Variants in SF1 observed in about 807,000 individuals in gnomAD.
SF1 encodes the protein splicing factor 1, also known as branch point-binding protein.
Under a neutral mutation model 62.5 loss-of-function variants are expected in SF1, and 7 were observed. The observed-to-expected ratio is 0.11, with a 90% CI of 0.06 to 0.21. The LOEUF is 0.21. Among genes scored for constraint, SF1 ranks in the 10% least tolerant of loss-of-function variants. SF1 has a pLI of 1.00. For synonymous variants in SF1, 394 were observed against 323.6 expected (o/e 1.22, Z -2.33); for missense variants, 578 against 884.0 (o/e 0.65, Z 4.39).
rs2058773503 is a variant in SF1, at chr11:64,767,600, G to GGGT, written c.1310_1312dup (p.His437dup). On this transcript the variant is annotated inframe_insertion, in exon 10 of 13. Transcript: ENST00000377390. ...TGGAGGAGGGCCATGGTGCCCAGGA[G>GGGT]GGTGGGGGCCCTGGTTCATCGGTGG... 5.1e-6 allele frequency: 8 copies of GGGT among 1,578,650 alleles called. No individual in the cohort carries two copies. Among genetic ancestry groups the GGGT allele is most frequent in the Non-Finnish European group, 6.9e-6 (8 of 1,164,606 alleles).
At chr11:64,766,236 G>T in intron 12 of SF1, 81 bp from the exon 13 acceptor site, 3 of 952,962 alleles carry the variant, frequency 3.1e-6, no homozygotes, top group Admixed American at 2.2e-5. Context: ...GGATGGGGGC[G>T]AGGGGCGCCT....
intron 12 of SF1, 146 bp downstream of exon 12, chr11:64,766,754 G>C (rs2058702180): frequency 3.6e-6 from 2 of 562,382 alleles, no homozygotes; most frequent in Non-Finnish European, 5.9e-6. Flanking sequence ...TCCACCCCCT[G>C]GACCAGGAGG....
Position 64,778,504 on chromosome 11 carries a change from GT to G in SF1, c.-113del. ...TGCGCTGCCGGAGCGCGCGGAGCCC[GT>G]CCTCTCACGCGGCGGGCGGCGGCGG... On this transcript the variant is annotated 5_prime_UTR_variant, in exon 1 of 13. Coordinates refer to ENST00000377390, the MANE Select transcript of SF1 (RefSeq NM_004630.4). 1 of 1,188,762 alleles carries G rather than the reference GT, an allele frequency of 8.4e-7. No individual in the cohort carries two copies. The highest frequency in any genetic ancestry group is 1.0e-6 in the Non-Finnish European group (1 of 959,834). The allele number at this position is 1,188,762 out of a possible 1,614,324, so 73.6% of individuals were successfully genotyped here.
intron 3 of SF1, chr11:64,772,992 A>C (rs1223535133): frequency 1.0e-6 from 1 of 996,574 alleles, no homozygotes; most frequent in Non-Finnish European, 1.2e-6. Flanking sequence ...TGCAGCAATG[A>C]GCTGACCAGA....
At chr11:64,767,157 TAGGTGAAGACCCAC>T in intron 11 of SF1, 21 bp downstream of exon 11, 1 of 1,613,682 alleles carries the variant, frequency 6.2e-7, no homozygotes, top group Non-Finnish European at 8.5e-7. Context: ...CACCCAAGCC[TAGGTGAAGACCCAC>T]AGCCAGCAGA....
chr11:64,766,449 G>A, intron 12 of SF1: 3 of 492,754 alleles, frequency 6.1e-6, no homozygotes, highest in South Asian at 2.6e-5. Flanking sequence ...CCTCCGCCCA[G>A]CCGCCGCCAC....
chr11:64,765,640 C>T lies in SF1; in HGVS notation c.*178G>A, dbSNP rs369296702. On this transcript the variant is annotated 3_prime_UTR_variant, in exon 13 of 13. Transcript: ENST00000377390. ...AGCTGGCGCCCCTACTACCACCTGC[C>T]CGTTCCCAAGCGAATCCTCAGTCGC... 1.3e-6 allele frequency: 2 copies of T among 1,493,000 alleles called. No individual in the cohort carries two copies. Among genetic ancestry groups the T allele is most frequent in the East Asian group, 2.3e-5 (1 of 42,856 alleles). 92.5% of individuals were successfully genotyped at this position (1,493,000 alleles called of 1,614,324 possible).
intron 3 of SF1, 196 bp from the exon 4 acceptor site, chr11:64,770,604 G>A (rs1183776742): frequency 7.5e-6 from 4 of 534,520 alleles, no homozygotes; most frequent in Non-Finnish European, 1.3e-5. Context: ...AGGGGTCTGG[G>A]GTGTGTGTGA....
chr11:64,767,462 C>G, intron 10 of SF1, 109 bp downstream of exon 10: 3 of 1,227,314 alleles, frequency 2.4e-6, no homozygotes, highest in Non-Finnish European at 3.4e-6. Flanking sequence ...GCCAGGCAGA[C>G]CCAGCACATT....
At position 64,776,534 on chromosome 11, in the gene SF1, G is replaced by A. The variant is rs1363892337; in HGVS notation, c.124C>T (p.Pro42Ser). Reference sequence around the variant, plus strand: ...CTTTCTTGTTCTCGAGTAAGTCCAGGGGGAATAACTGTAGGCATTCCTGGA... The same window carrying A: ...CTTTCTTGTTCTCGAGTAAGTCCAGAGGGAATAACTGTAGGCATTCCTGGA... ...VIPGMPTVIP[P>S]GLTREQERAY... Residue 42 changes from proline (P) to serine (S), a missense_variant, in exon 2 of 13, where the codon CCT becomes TCT. Physicochemically the swap from Pro to Ser is moderately conservative, Grantham distance 74. Coordinates refer to ENST00000377390, the MANE Select transcript of SF1 (RefSeq NM_004630.4). The A allele has an allele frequency of 1.3e-6, 2 of 1,573,072 alleles. No homozygotes were observed. Among genetic ancestry groups the A allele is most frequent in the Non-Finnish European group, 1.7e-6 (2 of 1,163,968 alleles).
Position 64,765,614 on chromosome 11 carries a change from A to C in SF1, c.*204T>G. The C allele has an allele frequency of 1.3e-6, 2 of 1,501,832 alleles. No homozygotes were observed. The highest frequency in any genetic ancestry group is 1.8e-6 in the Non-Finnish European group (2 of 1,134,508). The allele number at this position is 1,501,832 out of a possible 1,614,324, so 93.0% of individuals were successfully genotyped here. A position where few individuals can be genotyped will look rare whatever the true frequency, so the allele number is the denominator to read the frequency against. ...ATGCTACGGGGCGCCAGGAGAGCCC[A>C]AGCTGGCGCCCCTACTACCACCTGC... On this transcript the variant is annotated 3_prime_UTR_variant, in exon 13 of 13. Transcript: ENST00000377390.
In SF1 at chr11:64,768,109, T is replaced by C; in HGVS notation, c.1065A>G (p.Pro355=). The C allele has an allele frequency of 6.2e-7, 1 of 1,608,078 alleles. No homozygotes were observed. The highest frequency in any genetic ancestry group is 8.5e-7 in the Non-Finnish European group (1 of 1,177,122). Reference sequence around the variant, plus strand: ...GAGAGCCAGCCCCCAGGCTCACCGGTGGAGGTGGGTTGTTGGCGGGAGCAG... The same window carrying C: ...GAGAGCCAGCCCCCAGGCTCACCGGCGGAGGTGGGTTGTTGGCGGGAGCAG... ...RPAAPANNPP[P]PSLMSTTQSR... The change falls in exon 9 of 13, where the codon CCA becomes CCG. Residue 355 remains proline, a synonymous_variant. Transcript: ENST00000377390.
At chr11:64,771,203 TTC>T (rs908014654) in intron 3 of SF1, among the ~76,000 whole-genome samples, 1 of 152,220 alleles carries the variant, frequency 6.6e-6, no homozygotes, top group African/African-American at 2.4e-5. Flanking sequence ...AAAGCAGATT[TTC>T]TCTCTCTCAT....
intron 12 of SF1, 35 bp from the exon 13 acceptor site, chr11:64,766,190 G>C: frequency 6.3e-7 from 1 of 1,579,758 alleles, no homozygotes; most frequent in Non-Finnish European, 8.6e-7. Context: ...TCACACGCGC[G>C]GGGGCACACC....
intron 1 of SF1, 39 bp from the exon 2 acceptor site, chr11:64,776,665 A>T: frequency 1.3e-6 from 2 of 1,597,516 alleles, no homozygotes; most frequent in Non-Finnish European, 1.7e-6. Flanking sequence ...TGTAAATACA[A>T]GTAGTTATCA....
rs748567372 is a variant in SF1, at chr11:64,765,630, T to C, written c.*188A>G. On this transcript the variant is annotated 3_prime_UTR_variant, in exon 13 of 13. Transcript: ENST00000377390. ...GGAGAGCCCAAGCTGGCGCCCCTAC[T>C]ACCACCTGCCCGTTCCCAAGCGAAT... 202 of 1,496,672 alleles carry C rather than the reference T, an allele frequency of 1.3e-4. No homozygotes were observed. The highest frequency in any genetic ancestry group is 7.5e-4 in the Middle Eastern group (3 of 3,976). 92.7% of individuals were successfully genotyped at this position (1,496,672 alleles called of 1,614,324 possible).
rs765333433 is a variant in SF1, at chr11:64,768,157, G to A, written c.1017C>T (p.Pro339=). The change falls in exon 9 of 13, where the codon CCC becomes CCT. Residue 339 remains proline, a synonymous_variant. Coordinates refer to ENST00000377390, the MANE Select transcript of SF1 (RefSeq NM_004630.4). ...VGSTSGPATT[P]LASAPRPAAP... Reference sequence around the variant, plus strand: ...CAGCAGGACGAGGTGCGCTGGCCAGGGGTGTGGTGGCAGGCCCAGAGGTGG... The same window carrying A: ...CAGCAGGACGAGGTGCGCTGGCCAGAGGTGTGGTGGCAGGCCCAGAGGTGG... The A allele has an allele frequency of 1.2e-6, 2 of 1,613,800 alleles. No homozygotes were observed. Among genetic ancestry groups the A allele is most frequent in the Non-Finnish European group, 1.7e-6 (2 of 1,179,932 alleles).
At chr11:64,777,832 CAGGCCGCGCGCGCCCA>C (rs1306466998) in intron 1 of SF1, 3 of 960,834 alleles carry the variant, frequency 3.1e-6, no homozygotes, top group Non-Finnish European at 2.5e-6. Context: ...GCCCTAGAAC[CAGGCCGCGCGCGCCCA>C]GGGGCGCCTC....
chr11:64,766,228 A>G, intron 12 of SF1, 73 bp from the exon 13 acceptor site: 1 of 880,510 alleles, frequency 1.1e-6, no homozygotes, highest in South Asian at 1.6e-5. Flanking sequence ...CTGCCTTGGG[A>G]TGGGGGCGAG....
Sources: gnomAD v4.1 joint callset for allele counts (sites outside exome capture counted in the v4.1 genomes callset) on GRCh38, gnomAD v4.1.1 for gene constraint, MANE v1.5 for transcripts, NCBI Gene and HGNC (gene_info 2026-07-23, HGNC 2026-07-21) for gene names.